NSMF: variants seen among roughly 807,000 people sequenced by gnomAD.
NSMF encodes nasal embryonic LHRH factor.
NSMF carries 31 observed loss-of-function variants against 71.0 expected under a neutral mutation model. The ratio of observed to expected loss-of-function variants is 0.44; its 90% CI spans 0.33 to 0.59. The LOEUF is 0.59. NSMF is among the 20% of genes least tolerant of loss of function. The probability of loss-of-function intolerance (pLI) is 0.04; values close to 1 mark genes in which losing one functional copy is unlikely to be tolerated. For synonymous variants in NSMF, 345 were observed against 287.1 expected (o/e 1.20, Z -2.04); for missense variants, 673 against 740.5 (o/e 0.91, Z 1.06).
At position 137,453,804 on chromosome 9, in the gene NSMF, G is replaced by A. The variant is rs771525401; in HGVS notation, c.849C>T (p.Arg283=). Residue 283 remains arginine (R), a synonymous_variant, in exon 8 of 16, where the codon CGC becomes CGT. Transcript: ENST00000371475. The surrounding 1 kb of genome is among the most constrained non-coding windows in gnomAD (Gnocchi z 4.5). ...RVKAQTFAER[R]ERSFSRSWSD... ...TCCAGGACCGGCTGAAGCTCCGCTC[G>A]CGCCGCTCAGCGAACGCTGCAGAGA... The A allele has an allele frequency of 1.9e-6, 3 of 1,593,630 alleles. No homozygotes were observed. Among genetic ancestry groups the A allele is most frequent in the Non-Finnish European group, 2.6e-6 (3 of 1,176,366 alleles).
rs890060469 is a variant in NSMF at position 137,448,876 on chromosome 9, C to T, written c.*518G>A. On this transcript the variant is annotated 3_prime_UTR_variant, in exon 16 of 16. Transcript: ENST00000371475. The surrounding 1 kb of genome is among the most constrained non-coding windows in gnomAD (Gnocchi z 5.3). ...AGAGCCAGGCTGGGCAGCCCGGCGA[C>T]GCTGGCCCCACGCACACGGGCCACC... The T allele has an allele frequency of 5.6e-5, 13 of 231,602 alleles. No individual in the cohort carries two copies. Among genetic ancestry groups the T allele is most frequent in the South Asian group, 1.7e-4 (3 of 18,116 alleles). The allele number at this position is 231,602 out of a possible 1,614,324, so 14.3% of individuals were successfully genotyped here. A position where few individuals can be genotyped will look rare whatever the true frequency, so the allele number is the denominator to read the frequency against.
intron 5 of NSMF, 120 bp downstream of exon 5, chr9:137,455,509 G>T: frequency 1.6e-6 from 2 of 1,275,916 alleles, no homozygotes. Flanking sequence ...AGCCAGGCCC[G>T]CAGAGAGCGG....
chr9:137,455,644 G>C lies in NSMF; in HGVS notation c.705-10C>G, dbSNP rs1830795034. 12 of 1,550,324 alleles carry C rather than the reference G, an allele frequency of 7.7e-6. No homozygotes were observed. Among genetic ancestry groups the C allele is most frequent in the Non-Finnish European group, 1.0e-5 (12 of 1,146,936 alleles). On this transcript the variant is annotated splice_polypyrimidine_tract_variant and intron_variant, in intron 4 of 15. Transcript: ENST00000371475. ...AGGTACTTACGAGATGCTGAAGCCA[G>C]GGCCAGAAGGGATGGCGTGAGAGAG...
At position 137,453,564 on chromosome 9, in the gene NSMF, C is replaced by T. The variant is rs1830659338; in HGVS notation, c.922+167G>A. On this transcript the variant is annotated intron_variant, in intron 8 of 15. Transcript: ENST00000371475. The surrounding 1 kb of genome is among the most constrained non-coding windows in gnomAD (Gnocchi z 4.5). ...ACTGCCGCGGCCGTTGTTAGCCCCG[C>T]CTTTGCGATCGGAGATGCTGAGGGC... 1.6e-6 allele frequency: 1 copy of T among 635,758 alleles called. No individual in the cohort carries two copies. Among genetic ancestry groups the T allele is most frequent in the East Asian group, 2.8e-5 (1 of 36,114 alleles). 39.4% of individuals were successfully genotyped at this position (635,758 alleles called of 1,614,324 possible). A position where few individuals can be genotyped will look rare whatever the true frequency, so the allele number is the denominator to read the frequency against.
At chr9:137,458,631 TC>T (rs1830995843) in intron 1 of NSMF, 82 bp from the exon 2 acceptor site, 2 of 1,342,224 alleles carry the variant, frequency 1.5e-6, no homozygotes, top group African/African-American at 1.4e-5. Flanking sequence ...GGGGGTCCGG[TC>T]CCCAGCCAGG....
intron 12 of NSMF, 71 bp downstream of exon 12, chr9:137,452,265 CTCTTCCCCTTGGTCTCCCCCAACTTGACT>C: frequency 8.3e-7 from 1 of 1,209,174 alleles, no homozygotes; most frequent in East Asian, 2.4e-5. Context: ...CCACCCCAAC[CTCTTCCCCTTGGTCTCCCCCAACTTGACT>C]TCTTCCCCTT....
chr9:137,457,597 G>C lies in NSMF; in HGVS notation c.438C>G (p.Ser146Arg). ...SQPLRASPGG[S>R]REDVSRPCQS... ...GGCAGGGCCTGCTGACGTCCTCCCG[G>C]CTGCCACCAGGGCTGGCGCGCAGGG... Residue 146 changes from serine (S) to arginine (R), a missense_variant, in exon 3 of 16, where the codon AGC becomes AGG. Ser to Arg is a moderately radical substitution (Grantham distance 110, BLOSUM62 -1). Coordinates refer to ENST00000371475, the MANE Select transcript of NSMF (RefSeq NM_001130969.3). 1 of 1,558,454 alleles carries C rather than the reference G, an allele frequency of 6.4e-7. No individual in the cohort carries two copies.
intron 5 of NSMF, 105 bp from the exon 6 acceptor site, chr9:137,455,412 CG>C (rs1316765250): frequency 4.5e-6 from 6 of 1,338,656 alleles, no homozygotes; most frequent in Admixed American, 1.8e-5. Context: ...GTCTGGGGCA[CG>C]GGGCCCGGCA....
At chr9:137,457,377 C>T (rs1554754445) in intron 3 of NSMF, 30 bp downstream of exon 3, 3 of 1,612,840 alleles carry the variant, frequency 1.9e-6, no homozygotes, top group South Asian at 1.1e-5. Flanking sequence ...CACCCCCAAA[C>T]CTGTCTATGC....
At chr9:137,456,110 G>A (rs1193737963) in intron 4 of NSMF, among the ~76,000 whole-genome samples, 1 of 152,230 alleles carries the variant, frequency 6.6e-6, no homozygotes, top group Non-Finnish European at 1.5e-5. Flanking sequence ...CACAGGCTGA[G>A]GAGAGTGGAT....
chr9:137,454,055 G>T (rs1255967067), intron 7 of NSMF, among the ~76,000 whole-genome samples: 4 of 148,604 alleles, frequency 2.7e-5, no homozygotes, highest in Non-Finnish European at 4.5e-5. Context: ...GGGCCGGGCT[G>T]GGGGCGTGGC....
Position 137,456,412 on chromosome 9 carries a change from C to A in NSMF, c.703G>T (p.Ala235Ser), listed in dbSNP as rs201719574. 1 of 1,612,074 alleles carries A rather than the reference C, an allele frequency of 6.2e-7. No homozygotes were observed. The highest frequency in any genetic ancestry group is 2.2e-5 in the East Asian group (1 of 44,886). Residue 235 changes from alanine (A) to serine (S), a missense_variant and splice_region_variant, in exon 4 of 16, where the codon GCC becomes TCC. Physicochemically the swap from Ala to Ser is moderately conservative, Grantham distance 99. Around this residue, in one of 2 missense-constraint regions of NSMF, gnomAD observed 471 missense variants for 459.6 expected, o/e 1.02. Transcript: ENST00000371475. Reference protein sequence around the residue: ...SFQTATTTMQAISVFRGYAER... With the variant: ...SFQTATTTMQSISVFRGYAER... ...CCAAGTCGTGGGCACAAGACTCACG[C>A]TTGCATAGTTGTGGTTGCTGTCTGG... is the stretch of plus-strand genomic sequence containing the variant.
Position 137,452,589 on chromosome 9 carries a change from G to T in NSMF, c.1132-3C>A. On this transcript the variant is annotated splice_polypyrimidine_tract_variant and splice_region_variant and intron_variant, in intron 10 of 15. Coordinates refer to ENST00000371475, the MANE Select transcript of NSMF (RefSeq NM_001130969.3). ...TCGAAGGTTGCGTGCTCATGGTCCT[G>T]GGGACAGACACAGGCCACAAGGCCA... 1.2e-6 allele frequency: 2 copies of T among 1,612,654 alleles called. No individual in the cohort carries two copies.
In NSMF at chr9:137,459,001, G is replaced by A. The variant is rs944940380; in HGVS notation, c.71+31C>T. On this transcript the variant is annotated intron_variant, in intron 1 of 15. Coordinates refer to ENST00000371475, the MANE Select transcript of NSMF (RefSeq NM_001130969.3). ...CGGGCGGGGTCGGAGGTCCAGGGCGGGGTGCGGGAAGGCGGCCCCGCCGCA... is the reference window on the plus strand; with the variant it reads ...CGGGCGGGGTCGGAGGTCCAGGGCGAGGTGCGGGAAGGCGGCCCCGCCGCA... 28 of 1,270,386 alleles carry A rather than the reference G, an allele frequency of 2.2e-5. 1 individual carries two copies. The African/African-American group carries it at 3.8e-4, about 17-fold the overall frequency. The allele number at this position is 1,270,386 out of a possible 1,614,324, so 78.7% of individuals were successfully genotyped here.
At chr9:137,458,645 C>T in intron 1 of NSMF, 96 bp from the exon 2 acceptor site, 1 of 1,231,086 alleles carries the variant, frequency 8.1e-7, no homozygotes, top group South Asian at 1.3e-5. Flanking sequence ...CAGCCAGGCC[C>T]TCGGCGTCTG....
intron 9 of NSMF, 27 bp from the exon 10 acceptor site, chr9:137,452,846 G>A (rs865946939): frequency 1.1e-4 from 179 of 1,581,756 alleles, no homozygotes; most frequent in Admixed American, 4.3e-4. Flanking sequence ...CTGCTCAGGG[G>A]CCCCAGGCCC....
In NSMF at chr9:137,453,515, G is replaced by T. The variant is rs113652574; in HGVS notation, c.922+216C>A. 4,892 of 602,330 alleles carry T rather than the reference G, an allele frequency of 8.1e-3. 175 individuals are homozygous for T. Among genetic ancestry groups the T allele is most frequent in the African/African-American group, 0.079 (4,263 of 53,832 alleles). 37.3% of individuals were successfully genotyped at this position (602,330 alleles called of 1,614,324 possible). A position where few individuals can be genotyped will look rare whatever the true frequency, so the allele number is the denominator to read the frequency against. On this transcript the variant is annotated intron_variant, in intron 8 of 15. Transcript: ENST00000371475. The surrounding 1 kb of genome is among the most constrained non-coding windows in gnomAD (Gnocchi z 4.5). ...CCTCTTGCGAGTGGCGGTGGGCACG[G>T]CCCTACAGGCGCCCCCGGCCAGCAC...
intron 1 of NSMF, 30 bp from the exon 2 acceptor site, chr9:137,458,579 G>A (rs766393164): frequency 2.6e-6 from 4 of 1,566,404 alleles, no homozygotes; most frequent in Admixed American, 3.7e-5. Context: ...ACGGTCAGAG[G>A]CCACGGCACG....
At position 137,450,205 on chromosome 9, in the gene NSMF, G is replaced by A; in HGVS notation, c.1287C>T (p.Ala429=). The part of the protein sequence containing the change: ...YLLKNKVATF[A]KVEKEEDMIH... Reference sequence around the variant, plus strand: ...TCATGTCCTCTTCCTTCTCCACTTTGGCAAAGGTGGCCACCTTGTTCTTGA... The same window carrying A: ...TCATGTCCTCTTCCTTCTCCACTTTAGCAAAGGTGGCCACCTTGTTCTTGA... Residue 429 remains alanine (A), a synonymous_variant, in exon 13 of 16, where the codon GCC becomes GCT. Transcript: ENST00000371475. The A allele has an allele frequency of 6.2e-7, 1 of 1,613,496 alleles. No homozygotes were observed. Among genetic ancestry groups the A allele is most frequent in the Non-Finnish European group, 8.5e-7 (1 of 1,179,878 alleles).
Sources: gnomAD v4.1 joint callset for allele counts (sites outside exome capture counted in the v4.1 genomes callset) on GRCh38, gnomAD v4.1.1 for gene constraint, gnomAD v4.1.1 regional missense constraint, Gnocchi (gnomAD v3.1) non-coding constraint, MANE v1.5 for transcripts, NCBI Gene and HGNC (gene_info 2026-07-23, HGNC 2026-07-21) for gene names.